BRAF: variants seen among roughly 807,000 people sequenced by gnomAD.
The protein encoded by BRAF is serine/threonine-protein kinase B-raf.
A neutral mutation model predicts 104.6 loss-of-function variants in BRAF; 16 were observed. The observed-to-expected ratio is 0.15, with a 90% CI of 0.10 to 0.23. The LOEUF is 0.23. BRAF is among the 10% of genes least tolerant of loss of function. The probability of loss-of-function intolerance (pLI) is 1.00; values close to 1 mark genes in which losing one functional copy is unlikely to be tolerated. For synonymous variants in BRAF, 310 were observed against 341.6 expected, an observed-to-expected ratio of 0.91 and a Z score of 1.02; for missense variants, 541 against 937.3, an observed-to-expected ratio of 0.58 and a Z score of 5.52.
intron 3 of BRAF, among the ~76,000 whole-genome samples, chr7:140,818,110 C>T (rs1805072681): frequency 1.3e-5 from 2 of 151,774 alleles, no homozygotes; most frequent in Admixed American, 6.6e-5. Flanking sequence ...AGGTACCTCA[C>T]ATTTATCATA....
intron 17 of BRAF, chr7:140,747,343 G>T (rs529852615): frequency 2.5e-6 from 3 of 1,212,758 alleles, no homozygotes; most frequent in Admixed American, 3.2e-5. Flanking sequence ...CTATTAGAAA[G>T]AATTAACTAG....
intron 18 of BRAF, among the ~76,000 whole-genome samples, chr7:140,737,761 T>G (rs186724821): frequency 2.2e-4 from 33 of 152,296 alleles, no homozygotes; most frequent in Admixed American, 1.4e-3. Flanking sequence ...CATCTAAAAT[T>G]TATGTGGCAT....
chr7:140,754,904 T>G (rs147854895), intron 14 of BRAF, among the ~76,000 whole-genome samples: 1 of 152,330 alleles, frequency 6.6e-6, no homozygotes, highest in East Asian at 1.9e-4. Flanking sequence ...GAAAACTTTC[T>G]CTAAAATGGC....
rs574030379 is a variant in BRAF at position 140,763,717 on chromosome 7, G to A, written c.1815-9484C>T. On this transcript the variant is annotated intron_variant, in intron 14 of 19. Coordinates refer to ENST00000644969, the MANE Select transcript of BRAF (RefSeq NM_001374258.1). ...TCTAGAAGAAATGGATAAATTCCTC[G>A]ACACATACACTCTCCCAAGACTAAA... Among the ~76,000 whole-genome samples the A allele has an allele frequency of 3.9e-5, 6 of 152,214 alleles. No individual in the cohort carries two copies. The South Asian group carries it at 6.2e-4, about 16-fold the overall frequency.
chr7:140,914,767 C>T (rs1016623703), intron 1 of BRAF, among the ~76,000 whole-genome samples: 5 of 152,016 alleles, frequency 3.3e-5, no homozygotes, highest in Middle Eastern at 6.8e-3. Flanking sequence ...CAGCCAGGCA[C>T]GGTGGCTCAT....
chr7:140,775,209 T>C (rs1028012475), intron 14 of BRAF, among the ~76,000 whole-genome samples: 3 of 151,990 alleles, frequency 2.0e-5, no homozygotes, highest in Admixed American at 6.6e-5. Flanking sequence ...ATAACAAACA[T>C]AAAGGTCCTA....
chr7:140,839,855 C>T (rs1027872861), intron 2 of BRAF, among the ~76,000 whole-genome samples: 2 of 152,320 alleles, frequency 1.3e-5, no homozygotes, highest in South Asian at 4.1e-4. Context: ...GGAACTCTCA[C>T]CCGTCAGGAA....
chr7:140,908,983 C>T (rs1816649752), intron 1 of BRAF, among the ~76,000 whole-genome samples: 1 of 122,144 alleles, frequency 8.2e-6, no homozygotes, highest in East Asian at 2.4e-4. Flanking sequence ...AACTGCTCTA[C>T]GTTTTCTTTT....
At chr7:140,863,285 G>C (rs752285251) in intron 1 of BRAF, among the ~76,000 whole-genome samples, 6 of 151,966 alleles carry the variant, frequency 3.9e-5, no homozygotes, top group Non-Finnish European at 7.4e-5. Context: ...GAAAGTAAAA[G>C]GAAATACACC....
intron 17 of BRAF, chr7:140,747,320 G>A: frequency 9.8e-7 from 1 of 1,020,866 alleles, no homozygotes; most frequent in Non-Finnish European, 1.2e-6. Context: ...AATTCCAGAA[G>A]GTTCTAACTA....
chr7:140,798,406 G>C (rs1168585733), intron 7 of BRAF, among the ~76,000 whole-genome samples: 1 of 150,772 alleles, frequency 6.6e-6, no homozygotes, highest in Non-Finnish European at 1.5e-5. Flanking sequence ...ACAGGCACCC[G>C]CCACCACGCC....
chr7:140,720,610 TAC>T lies in BRAF; in HGVS notation c.*5882_*5883del, dbSNP rs1795274650. The T allele has an allele frequency of 1.9e-6, 2 of 1,065,736 alleles. No individual in the cohort carries two copies. The highest frequency in any genetic ancestry group is 2.3e-6 in the Non-Finnish European group (2 of 879,574). 66.0% of individuals were successfully genotyped at this position (1,065,736 alleles called of 1,614,324 possible). ...ACTCTTACATTTGATTTCAGGTAAT[TAC>T]AGTTTATTTCCCACCCTCACATTAA... On this transcript the variant is annotated 3_prime_UTR_variant, in exon 20 of 20. Transcript: ENST00000644969.
At chr7:140,773,972 G>A (rs1267639) in intron 14 of BRAF, among the ~76,000 whole-genome samples, 16,870 of 152,188 alleles carry the variant, frequency 0.11, 1,134 homozygotes, top group South Asian at 0.19. Flanking sequence ...CCAGGAAGGA[G>A]CAAAAATCTG....
intron 18 of BRAF, among the ~76,000 whole-genome samples, chr7:140,736,675 C>A (rs1796468620): frequency 1.3e-5 from 2 of 151,672 alleles, no homozygotes; most frequent in Admixed American, 1.3e-4. Context: ...GATCCGCCTG[C>A]CTCGGCCTCC....
In BRAF at chr7:140,787,598, G is replaced by GTAA; in HGVS notation, c.1141-17_1141-15dup. On this transcript the variant is annotated splice_polypyrimidine_tract_variant and intron_variant, in intron 8 of 19. Coordinates refer to ENST00000644969, the MANE Select transcript of BRAF (RefSeq NM_001374258.1). ...TCTAATCAAGTCCTACAAATAAATA[G>GTAA]TAATGTATATTTATTCCAAGCAAGC... 1 of 1,601,994 alleles carries GTAA rather than the reference G, an allele frequency of 6.2e-7. No homozygotes were observed. Among genetic ancestry groups the GTAA allele is most frequent in the Non-Finnish European group, 8.6e-7 (1 of 1,169,298 alleles).
chr7:140,805,250 C>T (rs532344617), intron 5 of BRAF, among the ~76,000 whole-genome samples: 50 of 152,272 alleles, frequency 3.3e-4, no homozygotes, highest in African/African-American at 1.2e-3. Context: ...TTATTTTCTT[C>T]ACCTTTTTTC....
intron 1 of BRAF, among the ~76,000 whole-genome samples, chr7:140,908,065 C>A (rs1816536157): frequency 6.6e-6 from 1 of 152,148 alleles, no homozygotes. Context: ...TTATAAGAGT[C>A]TTTTGTTCTT....
intron 2 of BRAF, among the ~76,000 whole-genome samples, chr7:140,839,994 A>G (rs1006495163): frequency 6.6e-6 from 1 of 152,226 alleles, no homozygotes; most frequent in Non-Finnish European, 1.5e-5. Flanking sequence ...ACCGAAGGGA[A>G]TATGCAGATC....
downstream of BRAF, among the ~76,000 whole-genome samples, chr7:140,717,369 C>T (rs564438993): frequency 6.6e-6 from 1 of 151,832 alleles, no homozygotes; most frequent in Admixed American, 6.6e-5. Context: ...CAGCCTTGAC[C>T]TCCCAGGCTC....
Sources: allele counts gnomAD v4.1 joint callset (sites outside exome capture counted in the v4.1 genomes callset), GRCh38; gene constraint gnomAD v4.1.1; transcripts MANE v1.5; gene names NCBI Gene and HGNC (gene_info 2026-07-23, HGNC 2026-07-21).